NPAS2: variants seen among roughly 807,000 people sequenced by gnomAD.
The protein encoded by NPAS2 is neuronal PAS domain protein 2, also known as neuronal PAS domain-containing protein 2.
A neutral mutation model predicts 107.5 loss-of-function variants in NPAS2; 23 were observed. The ratio of observed to expected loss-of-function variants is 0.21; its 90% confidence interval spans 0.15 to 0.30. NPAS2 has a LOEUF of 0.30. Ranked by LOEUF, NPAS2 falls within the 10% of genes least tolerant of loss-of-function variation. The pLI is 1.00. For missense variants in NPAS2, 756 were observed against 1,043.3 expected (o/e 0.72, Z 3.79); for synonymous variants, 403 against 417.5 (o/e 0.97, Z 0.42).
chr2:100,822,544 T>C (rs2104305465), intron 1 of NPAS2: 1 of 152,330 alleles, frequency 6.6e-6, no homozygotes, highest in African/African-American at 2.4e-5. Context: ...TGCAACTTAT[T>C]AGATTAAAAA....
chr2:100,836,767 G>T (rs1473563048), intron 1 of NPAS2, among the ~76,000 whole-genome samples: 1 of 152,120 alleles, frequency 6.6e-6, no homozygotes, highest in Non-Finnish European at 1.5e-5. Context: ...CAAGTCCCCG[G>T]GCCACATGTA....
At chr2:100,886,914 G>A (rs1029071176) in intron 1 of NPAS2, among the ~76,000 whole-genome samples, 11 of 152,184 alleles carry the variant, frequency 7.2e-5, no homozygotes, top group Non-Finnish European at 1.5e-4. Flanking sequence ...CATTCCCAGA[G>A]TCATGAGTTT....
chr2:100,896,730 C>G (rs1015851573), intron 1 of NPAS2, among the ~76,000 whole-genome samples: 2 of 152,166 alleles, frequency 1.3e-5, no homozygotes, highest in African/African-American at 2.4e-5. Context: ...GGAGCCACCA[C>G]GATCATGGGG....
At chr2:100,995,118 C>G (rs1678370535) in intron 20 of NPAS2, 2 of 417,966 alleles carry the variant, frequency 4.8e-6, no homozygotes, top group African/African-American at 2.0e-5. Flanking sequence ...GTTTACGAAA[C>G]CATTCCCCAT....
At position 100,993,397 on chromosome 2, in the gene NPAS2, ACAG is replaced by A; in HGVS notation, c.2170_2172del (p.Ser724del). ...CAAAATCCAGACGCACACCCCGCCA[ACAG>A]CAGCAGCGCCCCGATGCCCGTCCTG... is the stretch of plus-strand genomic sequence containing the variant. On this transcript the variant is annotated inframe_deletion, in exon 20 of 21. Coordinates refer to ENST00000335681, the MANE Select transcript of NPAS2 (RefSeq NM_002518.4). The A allele has an allele frequency of 6.2e-7, 1 of 1,611,124 alleles. No homozygotes were observed. Among genetic ancestry groups the A allele is most frequent in the African/African-American group, 1.3e-5 (1 of 74,966 alleles).
chr2:100,901,530 C>G (rs1178247945), intron 1 of NPAS2: 1 of 985,232 alleles, frequency 1.0e-6, no homozygotes, highest in East Asian at 1.1e-4. Context: ...GTTCCCTTCT[C>G]TCTTCCCTGA....
At chr2:100,831,330 G>C (rs1048747643) in intron 1 of NPAS2, among the ~76,000 whole-genome samples, 10 of 152,112 alleles carry the variant, frequency 6.6e-5, no homozygotes, top group African/African-American at 2.2e-4. Context: ...AATAAATTGT[G>C]TGTTTGCCAC....
intron 4 of NPAS2, 132 bp from the exon 5 acceptor site, chr2:100,937,621 G>A (rs1684410047): frequency 1.4e-6 from 1 of 730,836 alleles, no homozygotes; most frequent in African/African-American, 1.7e-5. Context: ...GAAGTGCCGT[G>A]AGGTTATTCA....
intron 7 of NPAS2, among the ~76,000 whole-genome samples, chr2:100,950,065 G>A (rs1444417274): frequency 1.3e-5 from 2 of 152,202 alleles, no homozygotes; most frequent in Non-Finnish European, 2.9e-5. Context: ...TGGCTACAGA[G>A]ACAACAACTC....
At chr2:100,910,489 C>A (rs1682471696) in intron 2 of NPAS2, among the ~76,000 whole-genome samples, 1 of 151,272 alleles carries the variant, frequency 6.6e-6, no homozygotes, top group East Asian at 2.0e-4. Context: ...CCTGCTGGGG[C>A]AACTTTTCTC....
Position 100,993,388 on chromosome 2 carries a change from A to T in NPAS2, c.2153A>T (p.His718Leu), listed in dbSNP as rs754701464. 1.9e-6 allele frequency: 3 copies of T among 1,609,078 alleles called. No individual in the cohort carries two copies. The highest frequency in any genetic ancestry group is 2.6e-6 in the Non-Finnish European group (3 of 1,176,376). Residue 718 changes from histidine (H) to leucine (L), a missense_variant, in exon 20 of 21, where the codon CAC (histidine) becomes CTC (leucine). This residue lies in a region of NPAS2 where 496 missense variants were observed against 594.4 expected (regional missense o/e 0.83). Coordinates refer to ENST00000335681, the MANE Select transcript of NPAS2 (RefSeq NM_002518.4). Reference protein sequence around the residue: ...SQTVFQNPDAHPANSSSAPMP... With the variant: ...SQTVFQNPDALPANSSSAPMP... ...ACCGTGTTTCAAAATCCAGACGCAC[A>T]CCCCGCCAACAGCAGCAGCGCCCCG... is the stretch of plus-strand genomic sequence containing the variant.
At chr2:100,957,955 G>A (rs1252354736) in intron 7 of NPAS2, among the ~76,000 whole-genome samples, 4 of 152,166 alleles carry the variant, frequency 2.6e-5, no homozygotes, top group Non-Finnish European at 5.9e-5. Context: ...GCTTTACGGG[G>A]TCCTAATATG....
At chr2:100,941,087 A>G (rs949217294) in intron 5 of NPAS2, among the ~76,000 whole-genome samples, 2 of 152,108 alleles carry the variant, frequency 1.3e-5, no homozygotes, top group African/African-American at 4.8e-5. Flanking sequence ...ATTCCTTCCC[A>G]CTTCTCAGGC....
At chr2:100,854,204 T>C (rs1189298738) in intron 1 of NPAS2, among the ~76,000 whole-genome samples, 1 of 145,610 alleles carries the variant, frequency 6.9e-6, no homozygotes, top group Admixed American at 6.8e-5. Flanking sequence ...TGCCTTTGAG[T>C]CTGGCTGGTG....
chr2:100,956,662 C>A (rs1174846242), intron 7 of NPAS2, among the ~76,000 whole-genome samples: 2 of 152,166 alleles, frequency 1.3e-5, no homozygotes, highest in African/African-American at 4.8e-5. Flanking sequence ...AAAATCACAT[C>A]AACAGGAAGC....
chr2:100,903,138 A>G (rs1047558002), intron 1 of NPAS2, among the ~76,000 whole-genome samples: 1 of 152,192 alleles, frequency 6.6e-6, no homozygotes, highest in Admixed American at 6.5e-5. Flanking sequence ...CCTGTGGACA[A>G]GCTCTGTCCA....
At chr2:100,905,505 G>C (rs2117713) in intron 2 of NPAS2, among the ~76,000 whole-genome samples, 8 of 151,720 alleles carry the variant, frequency 5.3e-5, no homozygotes, top group Admixed American at 3.3e-4. Context: ...CACCCAAGTC[G>C]GCAGTTACTG....
intron 2 of NPAS2, among the ~76,000 whole-genome samples, chr2:100,916,669 A>G (rs1310291101): frequency 1.3e-5 from 2 of 152,176 alleles, no homozygotes; most frequent in Non-Finnish European, 2.9e-5. Context: ...TAGTAGAGTA[A>G]ACTTCAGCAA....
chr2:100,873,364 GTATA>G (rs202154604), intron 1 of NPAS2, among the ~76,000 whole-genome samples: 1 of 122,942 alleles, frequency 8.1e-6, no homozygotes, highest in Admixed American at 8.8e-5. Flanking sequence ...ACACATATGT[GTATA>G]TATATATATT....
Sources: gnomAD v4.1 joint callset for allele counts (sites outside exome capture counted in the v4.1 genomes callset) on GRCh38, gnomAD v4.1.1 for gene constraint, gnomAD v4.1.1 regional missense constraint, MANE v1.5 for transcripts, NCBI Gene and HGNC (gene_info 2026-07-23, HGNC 2026-07-21) for gene names.